UEVLD: variants seen among roughly 807,000 people sequenced by gnomAD.
UEVLD encodes the protein UEV and lactate/malate dehyrogenase domains, also known as ubiquitin-conjugating enzyme E2 variant 3.
A neutral mutation model predicts 58.6 loss-of-function variants in UEVLD; 47 were observed. The observed-to-expected ratio is 0.80, with a 90% confidence interval of 0.63 to 1.02. The LOEUF (loss-of-function observed/expected upper bound fraction) is 1.02, where lower values mean the gene tolerates loss of function less well. Ranked by LOEUF, UEVLD falls within the 50% of genes least tolerant of loss-of-function variation. The pLI, the probability that UEVLD is intolerant of heterozygous loss-of-function variation, is 0.00. For missense variants in UEVLD, 510 were observed against 550.6 expected, an observed-to-expected ratio of 0.93 and a Z score of 0.74; for synonymous variants, 197 against 195.3, an observed-to-expected ratio of 1.01 and a Z score of -0.07.
chr11:18,578,891 G>A (rs1002954479), intron 1 of UEVLD, 83 bp from the exon 2 acceptor site: 49 of 914,566 alleles, frequency 5.4e-5, no homozygotes, highest in Admixed American at 3.2e-4. Context: ...TTTTTGAGAC[G>A]GAGTCTCACT....
At chr11:18,575,492 G>T in intron 2 of UEVLD, 80 bp from the exon 3 acceptor site, 1 of 1,349,178 alleles carries the variant, frequency 7.4e-7, no homozygotes, top group Non-Finnish European at 1.0e-6. Context: ...GTGTGCACAT[G>T]TGTGTGCTCA....
At chr11:18,577,764 C>T (rs755067619) in intron 2 of UEVLD, among the ~76,000 whole-genome samples, 2 of 150,794 alleles carry the variant, frequency 1.3e-5, no homozygotes, top group Non-Finnish European at 2.9e-5. Flanking sequence ...CCCAGCTACT[C>T]GGAAGGCTGA....
intron 2 of UEVLD, among the ~76,000 whole-genome samples, chr11:18,577,261 C>A (rs2065886405): frequency 6.6e-6 from 1 of 152,166 alleles, no homozygotes; most frequent in South Asian, 2.1e-4. Flanking sequence ...AACAAAAAAA[C>A]ATTATCGCAT....
At chr11:18,544,551 T>G in intron 9 of UEVLD, 72 bp downstream of exon 9, 2 of 1,508,596 alleles carry the variant, frequency 1.3e-6, no homozygotes, top group Non-Finnish European at 1.8e-6. Flanking sequence ...CAAGCAATCC[T>G]GCCTTGGCCT....
At chr11:18,587,105 A>AATCCTCT (rs1039377819) in intron 1 of UEVLD, among the ~76,000 whole-genome samples, 1 of 152,184 alleles carries the variant, frequency 6.6e-6, no homozygotes, top group African/African-American at 2.4e-5. Flanking sequence ...GGGAAAAAAA[A>AATCCTCT]ATCCTCTACT....
intron 2 of UEVLD, among the ~76,000 whole-genome samples, chr11:18,577,871 C>CAAAA (rs550091645): frequency 1.3e-4 from 9 of 66,674 alleles, no homozygotes; most frequent in Non-Finnish European, 1.9e-4. Context: ...GACTCCATCT[C>CAAAA]AAAAAAAAAA....
intron 11 of UEVLD, 103 bp from the exon 12 acceptor site, chr11:18,532,590 A>G (rs1421298864): frequency 1.9e-6 from 2 of 1,029,814 alleles, no homozygotes; most frequent in Admixed American, 7.4e-5. Context: ...AAAGTGATAC[A>G]AGTTGGACTT....
At chr11:18,537,957 C>T (rs982871069) in intron 9 of UEVLD, among the ~76,000 whole-genome samples, 2 of 152,180 alleles carry the variant, frequency 1.3e-5, no homozygotes, top group Non-Finnish European at 2.9e-5. Flanking sequence ...GCCACTGAGC[C>T]GAACTGCACT....
chr11:18,541,711 A>G (rs1201117716), intron 9 of UEVLD, among the ~76,000 whole-genome samples: 1 of 152,228 alleles, frequency 6.6e-6, no homozygotes, highest in African/African-American at 2.4e-5. Flanking sequence ...TGATGTGATC[A>G]GGAAAAAACC....
At chr11:18,557,547 C>T (rs1287156935) in intron 7 of UEVLD, among the ~76,000 whole-genome samples, 1 of 147,564 alleles carries the variant, frequency 6.8e-6, no homozygotes. Flanking sequence ...AATTTTTTTT[C>T]TTTTTTTCTT....
At position 18,544,753 on chromosome 11, in the gene UEVLD, A is replaced by C; in HGVS notation, c.930T>G (p.Pro310=). 6.4e-7 allele frequency: 1 copy of C among 1,570,140 alleles called. No homozygotes were observed. Among genetic ancestry groups the C allele is most frequent in the East Asian group, 2.5e-5 (1 of 40,576 alleles). The change falls in exon 9 of 12, where the codon CCT becomes CCG. Residue 310 remains proline (P), a synonymous_variant. Coordinates refer to ENST00000396197, the MANE Select transcript of UEVLD (RefSeq NM_001040697.4). ...TYVTWKLSTF[P]ANRVIGIGCN... ...ATCCAATTCCGATCACTCGATTTGC[A>C]GGAAATGTACTCAGTTTCCATGTTA...
intron 1 of UEVLD, chr11:18,587,628 A>G (rs1472591128): frequency 6.6e-6 from 1 of 151,864 alleles, no homozygotes. Flanking sequence ...CATGGTGAAA[A>G]CCCATCTCTA....
chr11:18,557,228 T>C (rs1851791424), intron 7 of UEVLD, among the ~76,000 whole-genome samples: 1 of 152,008 alleles, frequency 6.6e-6, no homozygotes, highest in South Asian at 2.1e-4. Context: ...CTCGGCTCAC[T>C]GCAAACTCCG....
intron 10 of UEVLD, among the ~76,000 whole-genome samples, chr11:18,535,593 T>C (rs1850757732): frequency 6.6e-6 from 1 of 152,130 alleles, no homozygotes. Context: ...TTCAGGAAAA[T>C]GTTATATGAC....
In UEVLD at chr11:18,563,103, C is replaced by CAAAAA. The variant is rs111514140; in HGVS notation, c.612+1784_612+1788dup. Among the ~76,000 whole-genome samples the CAAAAA allele has an allele frequency of 1.3e-3, 157 of 119,936 alleles. 1 individual carries two copies. The highest frequency in any genetic ancestry group is 4.4e-3 in the African/African-American group (148 of 33,510). 78.7% of individuals were successfully genotyped at this position (119,936 alleles called of 152,430 possible). On this transcript the variant is annotated intron_variant, in intron 6 of 11. Coordinates refer to ENST00000396197, the MANE Select transcript of UEVLD (RefSeq NM_001040697.4). Reference sequence around the variant, plus strand: ...CTTTCAGATGCCTTCTTGTGCTTACCAAAAAAAAAAAAAGACAAATAATTA... The same window carrying CAAAAA: ...CTTTCAGATGCCTTCTTGTGCTTACCAAAAAAAAAAAAAAAAAAGACAAATAATTA...
At chr11:18,552,448 G>A (rs764729301) in intron 7 of UEVLD, among the ~76,000 whole-genome samples, 12 of 152,286 alleles carry the variant, frequency 7.9e-5, no homozygotes, top group East Asian at 3.9e-4. Context: ...TCAGGAGGCC[G>A]AGGCAGGAGA....
At chr11:18,539,342 T>C (rs566631052) in intron 9 of UEVLD, among the ~76,000 whole-genome samples, 1 of 152,026 alleles carries the variant, frequency 6.6e-6, no homozygotes, top group East Asian at 2.0e-4. Flanking sequence ...GCTAGGATTA[T>C]AGGCATGAGC....
intron 3 of UEVLD, among the ~76,000 whole-genome samples, chr11:18,574,355 C>A (rs1852790245): frequency 6.6e-6 from 1 of 152,148 alleles, no homozygotes; most frequent in African/African-American, 2.4e-5. Flanking sequence ...CCGGGCTGGT[C>A]TTGAACTCCT....
At chr11:18,557,497 T>G (rs1292546997) in intron 7 of UEVLD, among the ~76,000 whole-genome samples, 1 of 152,022 alleles carries the variant, frequency 6.6e-6, no homozygotes, top group Non-Finnish European at 1.5e-5. Flanking sequence ...TATTAAAATT[T>G]ATTTTAACAA....
Sources: gnomAD v4.1 joint callset for allele counts (sites outside exome capture counted in the v4.1 genomes callset) on GRCh38, gnomAD v4.1.1 for gene constraint, MANE v1.5 for transcripts, NCBI Gene and HGNC (gene_info 2026-07-23, HGNC 2026-07-21) for gene names.